Variants in POTEM observed in about 807,000 individuals in gnomAD.
The protein encoded by POTEM is putative POTE ankyrin domain family member M.
For synonymous variants in POTEM, 8 were observed against 113.2 expected, an observed-to-expected ratio of 0.07 and a Z score of 5.90; for missense variants, 24 against 343.0, an observed-to-expected ratio of 0.07 and a Z score of 7.35.
chr14:18,975,885 G>A, intron 3 of POTEM, among the ~76,000 whole-genome samples, 164 bp from the exon 4 acceptor site: 1 of 44,818 alleles, frequency 2.2e-5, no homozygotes, highest in East Asian at 3.0e-4. Flanking sequence ...TCCAAGGGAA[G>A]GAGCAGCGTG....
At chr14:18,978,259 TC>T (rs1428186034) in intron 5 of POTEM, 2 of 141,284 alleles carry the variant, frequency 1.4e-5, no homozygotes, top group Non-Finnish European at 1.5e-5. Context: ...CAGCCATTGT[TC>T]CCAAAGCAGC....
chr14:18,998,950 G>A lies in POTEM; in HGVS notation c.*285G>A. 7.2e-6 allele frequency: 1 copy of A among 138,200 alleles called. No homozygotes were observed. Among genetic ancestry groups the A allele is most frequent in the South Asian group, 4.2e-5 (1 of 23,602 alleles). The allele number at this position is 138,200 out of a possible 1,614,324, so 8.6% of individuals were successfully genotyped here. On this transcript the variant is annotated 3_prime_UTR_variant, in exon 11 of 11. Transcript: ENST00000547889. ...GGCTTTGCAGGTGACGATGCCCCCC[G>A]GGCTGTCTTCCCTTCCATCGTGGGG...
intron 1 of POTEM, among the ~76,000 whole-genome samples, chr14:18,969,076 G>A (rs1345277918): frequency 5.4e-5 from 8 of 147,716 alleles, no homozygotes; most frequent in East Asian, 2.0e-4. Flanking sequence ...TAGAAATACC[G>A]AAATATATGT....
Position 19,002,795 on chromosome 14 carries a change from T to C in POTEM, c.*4130T>C, listed in dbSNP as rs536130516. Among the ~76,000 whole-genome samples, 1 of 152,396 alleles carries C rather than the reference T, an allele frequency of 6.6e-6. No individual in the cohort carries two copies. The highest frequency in any genetic ancestry group is 2.1e-4 in the South Asian group (1 of 4,832). ...TACCTCTCCATACTGCAGCCCTTTA[T>C]ATGGAAACTTCCTACATCACTTTGC... On this transcript the variant is annotated 3_prime_UTR_variant, in exon 11 of 11. Transcript: ENST00000547889.
At chr14:18,976,990 CT>C (rs1266472161) in intron 4 of POTEM, among the ~76,000 whole-genome samples, 2 of 151,940 alleles carry the variant, frequency 1.3e-5, no homozygotes, top group Non-Finnish European at 2.9e-5. Flanking sequence ...AATTCAGTGC[CT>C]AGCACATGCT....
Position 19,002,302 on chromosome 14 carries a change from A to C in POTEM, c.*3637A>C, listed in dbSNP as rs1891392755. 1.9e-5 allele frequency among the ~76,000 whole-genome samples: 1 copy of C among 53,902 alleles called. No individual in the cohort carries two copies. The highest frequency in any genetic ancestry group is 3.5e-5 in the Non-Finnish European group (1 of 28,682). The allele number at this position is 53,902 out of a possible 152,430, so 35.4% of individuals were successfully genotyped here. On this transcript the variant is annotated 3_prime_UTR_variant, in exon 11 of 11. Transcript: ENST00000547889. ...TGGAGCAGCAAGTCAGGTGATGTGGAGCCCAGAGGGCAGGGACAGCTATCT... is the reference window on the plus strand; with the variant it reads ...TGGAGCAGCAAGTCAGGTGATGTGGCGCCCAGAGGGCAGGGACAGCTATCT...
At chr14:18,968,388 A>T (rs1456200047) in intron 1 of POTEM, among the ~76,000 whole-genome samples, 1 of 152,292 alleles carries the variant, frequency 6.6e-6, no homozygotes, top group Non-Finnish European at 1.5e-5. Flanking sequence ...AGGGCTAAAT[A>T]TTCTTCAAAT....
In POTEM at chr14:18,967,514, CT is replaced by C. The variant is rs779185618; in HGVS notation, c.30del (p.Ala11ProfsTer4). On this transcript the variant is annotated frameshift_variant, in exon 1 of 11. Coordinates refer to ENST00000547889, the MANE Select transcript of POTEM (RefSeq NM_001145442.1). LOFTEE classifies it high-confidence loss of function. ...GTGGCTGAGGCTGGTTCAATGCCGG[CT>C]GCCTCCTCTGTGAAGAAGCCATTTG... MVAEAGSMPAASSVKKPFGL... is the reference protein window; with the variant it reads MVAEAGSMPXASSVKKPFGL... 6.6e-7 allele frequency: 1 copy of C among 1,516,336 alleles called. No homozygotes were observed. Among genetic ancestry groups the C allele is most frequent in the South Asian group, 1.2e-5 (1 of 86,666 alleles). The allele number at this position is 1,516,336 out of a possible 1,614,324, so 93.9% of individuals were successfully genotyped here.
In POTEM at chr14:19,002,900, CA is replaced by C. The variant is rs1174110494; in HGVS notation, c.*4237del. 1.2e-4 allele frequency among the ~76,000 whole-genome samples: 18 copies of C among 152,204 alleles called. No homozygotes were observed. The South Asian group carries it at 1.7e-3, about 14-fold the overall frequency. On this transcript the variant is annotated 3_prime_UTR_variant, in exon 11 of 11. Coordinates refer to ENST00000547889, the MANE Select transcript of POTEM (RefSeq NM_001145442.1). ...GGGCAGCACACACCCCAACCCACAT[CA>C]ACTGCCATTAAAGAAAAGAAATTTC...
chr14:18,969,357 G>GTATATACA (rs1555341478), intron 1 of POTEM, among the ~76,000 whole-genome samples: 22 of 105,364 alleles, frequency 2.1e-4, no homozygotes, highest in African/African-American at 9.4e-4. Flanking sequence ...ATATACATGT[G>GTATATACA]TATATATATA....
chr14:18,974,759 AG>A (rs1167917148), intron 3 of POTEM: 1 of 87,808 alleles, frequency 1.1e-5, no homozygotes, highest in Non-Finnish European at 2.1e-5. Context: ...TTTTTTTTTT[AG>A]ATTGAGTCTC....
chr14:18,968,920 TTTA>T (rs1191243188), intron 1 of POTEM, among the ~76,000 whole-genome samples: 76 of 149,274 alleles, frequency 5.1e-4, no homozygotes, highest in African/African-American at 1.8e-3. Flanking sequence ...CATGCTGTCT[TTTA>T]TTATTGTGCT....
chr14:18,996,469 A>G (rs1420441456), intron 9 of POTEM, among the ~76,000 whole-genome samples: 1 of 132,088 alleles, frequency 7.6e-6, no homozygotes, highest in Non-Finnish European at 1.6e-5. Flanking sequence ...TGAGCAAGCA[A>G]AGCTTCATCT....
At position 18,969,323 on chromosome 14, in the gene POTEM, A is replaced by G. The variant is rs1249199850; in HGVS notation, c.521+1317A>G. ...TGTATATACGTATATATATGTATAT[A>G]TATATATATACGTATATACATATAT... On this transcript the variant is annotated intron_variant, in intron 1 of 10. Transcript: ENST00000547889. Among the ~76,000 whole-genome samples the G allele has an allele frequency of 1.5e-3, 166 of 112,688 alleles. 1 individual carries two copies. The highest frequency in any genetic ancestry group is 6.1e-3 in the African/African-American group (151 of 24,560). The allele number at this position is 112,688 out of a possible 152,430, so 73.9% of individuals were successfully genotyped here. A position where few individuals can be genotyped will look rare whatever the true frequency, so the allele number is the denominator to read the frequency against.
Position 18,995,149 on chromosome 14 carries a change from AT to A in POTEM, c.1410-1889del, listed in dbSNP as rs1891279009. On this transcript the variant is annotated intron_variant, in intron 9 of 10. Coordinates refer to ENST00000547889, the MANE Select transcript of POTEM (RefSeq NM_001145442.1). ...AGGTTGTTGGTTTACTCTGATGATT[AT>A]TTCTTTTGCTGTGCTGAAGGTTTTT... Among the ~76,000 whole-genome samples the A allele has an allele frequency of 3.5e-5, 3 of 85,662 alleles. No individual in the cohort carries two copies. The South Asian group carries it at 1.0e-3, about 29-fold the overall frequency. The allele number at this position is 85,662 out of a possible 152,430, so 56.2% of individuals were successfully genotyped here.
intron 7 of POTEM, among the ~76,000 whole-genome samples, chr14:18,985,835 G>A (rs1176448723): frequency 8.4e-5 from 12 of 142,966 alleles, no homozygotes; most frequent in South Asian, 4.4e-4. Flanking sequence ...AACCTGGGGG[G>A]TGGAGCTTGC....
intron 7 of POTEM, among the ~76,000 whole-genome samples, chr14:18,985,829 TG>T (rs1181908457): frequency 7.3e-5 from 10 of 136,604 alleles, no homozygotes; most frequent in Non-Finnish European, 1.2e-4. Flanking sequence ...GCCATGAACC[TG>T]GGGGGTGGAG....
chr14:18,999,023 C>T lies in POTEM; in HGVS notation c.*358C>T. ...TGGGGGGCATGCGTCAGATGGAGTC[C>T]TATGTGGGCAATGAGGCCCAGAGCA... On this transcript the variant is annotated 3_prime_UTR_variant, in exon 11 of 11. Coordinates refer to ENST00000547889, the MANE Select transcript of POTEM (RefSeq NM_001145442.1). 1 of 194,566 alleles carries T rather than the reference C, an allele frequency of 5.1e-6. No individual in the cohort carries two copies. The highest frequency in any genetic ancestry group is 3.2e-5 in the South Asian group (1 of 30,870). 12.1% of individuals were successfully genotyped at this position (194,566 alleles called of 1,614,324 possible).
chr14:18,991,249 C>T (rs1363905782), intron 9 of POTEM, among the ~76,000 whole-genome samples: 8 of 102,166 alleles, frequency 7.8e-5, no homozygotes, highest in Admixed American at 5.5e-4. Context: ...ACTCAGATCT[C>T]ACTCCTTAAT....
Sources: gnomAD v4.1 joint callset for allele counts (sites outside exome capture counted in the v4.1 genomes callset) on GRCh38, gnomAD v4.1.1 for gene constraint, MANE v1.5 for transcripts, NCBI Gene and HGNC (gene_info 2026-07-23, HGNC 2026-07-21) for gene names.